Variants in STEAP4 observed in about 807,000 individuals in gnomAD.
STEAP4 encodes STEAP4 metalloreductase.
In STEAP4, 36 loss-of-function variants were observed where a neutral mutation model predicts 43.6. That is an observed-to-expected ratio of 0.83 (90% confidence interval 0.63 to 1.09). STEAP4 has a LOEUF of 1.09. STEAP4 is among the 50% of genes least tolerant of loss of function. STEAP4 has a pLI of 0.00. For missense variants in STEAP4, 495 were observed against 546.5 expected, an observed-to-expected ratio of 0.91 and a Z score of 0.94; for synonymous variants, 191 against 196.7, an observed-to-expected ratio of 0.97 and a Z score of 0.24.
rs941896193 is a variant in STEAP4, at chr7:88,280,904, G to C, written c.1149+11C>G. The C allele has an allele frequency of 2.6e-6, 4 of 1,552,974 alleles. No homozygotes were observed. In the African/African-American group the frequency reaches 5.6e-5, roughly 22 times the overall value. The stretch of plus-strand genomic sequence containing the variant: ...AAAATGAAAAGTTAGGAATGAACTT[G>C]AAGTTCTTACCTGGACAAATCGGAA... On this transcript the variant is annotated intron_variant, in intron 4 of 4. Coordinates refer to ENST00000380079, the MANE Select transcript of STEAP4 (RefSeq NM_024636.4).
rs377459458 is a variant in STEAP4, at chr7:88,279,819, A to T, written c.1150-191T>A. ...TGGTAAATACTTCATTTAAAACAAG[A>T]TTATTTCTTACAAATGACATAGTAG... On this transcript the variant is annotated intron_variant, in intron 4 of 4. Transcript: ENST00000380079. Among the ~76,000 whole-genome samples the T allele has an allele frequency of 1.3e-4, 20 of 152,330 alleles. No individual in the cohort carries two copies. In the East Asian group the frequency reaches 1.3e-3, roughly 10 times the overall value.
Position 88,274,151 on chromosome 7 carries a change from G to A in STEAP4, c.*5247C>T, listed in dbSNP as rs1435176730. ...GCCTCTCATTAGTTGTGTGAACTTA[G>A]TCAAAGTACTGAGATTTCAAAGCTC... On this transcript the variant is annotated 3_prime_UTR_variant, in exon 5 of 5. Transcript: ENST00000380079. The A allele has an allele frequency of 6.6e-6, 1 of 152,190 alleles. No homozygotes were observed. Among genetic ancestry groups the A allele is most frequent in the Non-Finnish European group, 1.5e-5 (1 of 68,050 alleles). The allele number at this position is 152,190 out of a possible 1,614,324, so 9.4% of individuals were successfully genotyped here.
rs1181508875 is a variant in STEAP4, at chr7:88,273,173, T to C, written c.*6225A>G. 2.6e-5 allele frequency: 4 copies of C among 152,216 alleles called. No individual in the cohort carries two copies. The highest frequency in any genetic ancestry group is 2.6e-4 in the Admixed American group (4 of 15,282). The allele number at this position is 152,216 out of a possible 1,614,324, so 9.4% of individuals were successfully genotyped here. A position where few individuals can be genotyped will look rare whatever the true frequency, so the allele number is the denominator to read the frequency against. On this transcript the variant is annotated 3_prime_UTR_variant, in exon 5 of 5. Transcript: ENST00000380079. The stretch of plus-strand genomic sequence containing the variant: ...TGAAATTATATGTTATTTTTAACTA[T>C]AGTCATCCTACAGAGCTATGGAACA...
At chr7:88,295,733 C>T (rs1208865886) in intron 1 of STEAP4, among the ~76,000 whole-genome samples, 1 of 152,096 alleles carries the variant, frequency 6.6e-6, no homozygotes, top group Non-Finnish European at 1.5e-5. Context: ...CAAACTAAAA[C>T]AAACTTAAGC....
intron 4 of STEAP4, among the ~76,000 whole-genome samples, chr7:88,279,926 G>C (rs1852589259): frequency 6.6e-6 from 1 of 152,132 alleles, no homozygotes; most frequent in Non-Finnish European, 1.5e-5. Flanking sequence ...GCTTGTCTTG[G>C]TTCCCAAAGG....
intron 3 of STEAP4, chr7:88,281,890 G>A (rs1180957885): frequency 6.6e-6 from 1 of 152,142 alleles, no homozygotes; most frequent in Non-Finnish European, 1.5e-5. Context: ...GAATTTGTTT[G>A]CTTTAGTGTG....
At chr7:88,304,132 C>T (rs987821398) in intron 1 of STEAP4, 5 of 151,900 alleles carry the variant, frequency 3.3e-5, no homozygotes, top group Admixed American at 3.3e-4. Flanking sequence ...GGGAACTGAA[C>T]AATGAGAACA....
rs910324377 is a variant in STEAP4, at chr7:88,289,247, A to G, written c.-2-4976T>C. Among the ~76,000 whole-genome samples the G allele has an allele frequency of 2.6e-5, 4 of 152,196 alleles. 1 individual carries two copies. In the South Asian group the frequency reaches 8.3e-4, roughly 31 times the overall value. On this transcript the variant is annotated intron_variant, in intron 1 of 4. Transcript: ENST00000380079. ...AAAGTTTACTCTGTGTCCCAGGCACAGTGTGAGATAAATAAAAAGGAAGAT... is the reference window on the plus strand; with the variant it reads ...AAAGTTTACTCTGTGTCCCAGGCACGGTGTGAGATAAATAAAAAGGAAGAT...
At chr7:88,297,717 G>A (rs925800017) in intron 1 of STEAP4, among the ~76,000 whole-genome samples, 1 of 152,020 alleles carries the variant, frequency 6.6e-6, no homozygotes, top group African/African-American at 2.4e-5. Context: ...TTCCAGGCAG[G>A]GGGGAAAGTG....
intron 1 of STEAP4, among the ~76,000 whole-genome samples, chr7:88,295,819 A>T (rs1415430123): frequency 6.6e-6 from 1 of 152,148 alleles, no homozygotes; most frequent in Non-Finnish European, 1.5e-5. Flanking sequence ...TTTCCTTTTT[A>T]TTTTGGAGAG....
rs73205916 is a variant in STEAP4 at position 88,282,672 on chromosome 7, C to T, written c.953G>A (p.Arg318Gln). 19 of 1,613,784 alleles carry T rather than the reference C, an allele frequency of 1.2e-5. No individual in the cohort carries two copies. Among genetic ancestry groups the T allele is most frequent in the Admixed American group, 1.7e-5 (1 of 59,962 alleles). Residue 318 changes from arginine (R) to glutamine (Q), a missense_variant, in exon 3 of 5, where the codon CGA becomes CAA. Coordinates refer to ENST00000380079, the MANE Select transcript of STEAP4 (RefSeq NM_024636.4). ...TLVIPIRYYV[R>Q]WRLGNLTVTQ... ...AACGGTTAAGTTTCCCAATCTCCATCGTACATAATATCGAATAGGAATCAC... is the reference window on the plus strand; with the variant it reads ...AACGGTTAAGTTTCCCAATCTCCATTGTACATAATATCGAATAGGAATCAC...
In STEAP4 at chr7:88,280,933, T is replaced by C. The variant is rs374195950; in HGVS notation, c.1131A>G (p.Arg377=). 86 of 1,607,896 alleles carry C rather than the reference T, an allele frequency of 5.3e-5. No homozygotes were observed. Among genetic ancestry groups the C allele is most frequent in the Admixed American group, 2.0e-4 (12 of 58,728 alleles). The change falls in exon 4 of 5, where the codon AGA becomes AGG. Residue 377 remains arginine (R), a synonymous_variant. Coordinates refer to ENST00000380079, the MANE Select transcript of STEAP4 (RefSeq NM_024636.4). ...TTCTTACCTGGACAAATCGGAACTC[T>C]CTCCAGTTGACTGCATTGCTAACAG... The part of the protein sequence containing the change: ...LPSVSNAVNW[R]EFRFVQSKLG...
chr7:88,295,205 G>T lies in STEAP4; in HGVS notation c.-2-10934C>A, dbSNP rs1037702735. On this transcript the variant is annotated intron_variant, in intron 1 of 4. Transcript: ENST00000380079. ...CTATCTACAAAGATTGGTTTGGAAG[G>T]GTTCAGAAAGAGAGAGGACATGGTG... Among the ~76,000 whole-genome samples, 14 of 152,218 alleles carry T rather than the reference G, an allele frequency of 9.2e-5. No individual in the cohort carries two copies. The East Asian group carries it at 2.7e-3, about 29-fold the overall frequency.
At position 88,279,465 on chromosome 7, in the gene STEAP4, AT is replaced by A; in HGVS notation, c.1312del (p.Ile438SerfsTer5). 3 of 1,614,104 alleles carry A rather than the reference AT, an allele frequency of 1.9e-6. No homozygotes were observed. Among genetic ancestry groups the A allele is most frequent in the Non-Finnish European group, 2.5e-6 (3 of 1,180,006 alleles). ...CTVLVIKFVL[I>X]MPCVDNTLTR... Reference sequence around the variant, plus strand: ...AAGGGTGTTGTCTACACATGGCATGATTAGGACAAACTTGATCACCAGCACA... The same window carrying A: ...AAGGGTGTTGTCTACACATGGCATGATAGGACAAACTTGATCACCAGCACA... On this transcript the variant is annotated frameshift_variant, in exon 5 of 5. Coordinates refer to ENST00000380079, the MANE Select transcript of STEAP4 (RefSeq NM_024636.4). LOFTEE classifies it high-confidence loss of function.
chr7:88,303,921 TTGGAAA>T (rs1352263179), intron 1 of STEAP4: 2 of 152,208 alleles, frequency 1.3e-5, no homozygotes, highest in African/African-American at 4.8e-5. Context: ...TCAAATCACT[TTGGAAA>T]TGACCTAAAA....
rs1852514796 is a variant in STEAP4 at position 88,276,486 on chromosome 7, T to A, written c.*2912A>T. 6.6e-6 allele frequency: 1 copy of A among 152,146 alleles called. No homozygotes were observed. The highest frequency in any genetic ancestry group is 1.5e-5 in the Non-Finnish European group (1 of 68,006). 9.4% of individuals were successfully genotyped at this position (152,146 alleles called of 1,614,324 possible). A position where few individuals can be genotyped will look rare whatever the true frequency, so the allele number is the denominator to read the frequency against. Reference sequence around the variant, plus strand: ...TTATAAAAGCCATCATCCCTTAACATGGGGAAAGTGTACAAAAATAATGTG... The same window carrying A: ...TTATAAAAGCCATCATCCCTTAACAAGGGGAAAGTGTACAAAAATAATGTG... On this transcript the variant is annotated 3_prime_UTR_variant, in exon 5 of 5. Coordinates refer to ENST00000380079, the MANE Select transcript of STEAP4 (RefSeq NM_024636.4).
At position 88,280,924 on chromosome 7, in the gene STEAP4, T is replaced by C; in HGVS notation, c.1140A>G (p.Arg380=). 6.2e-7 allele frequency: 1 copy of C among 1,604,436 alleles called. No individual in the cohort carries two copies. Among genetic ancestry groups the C allele is most frequent in the South Asian group, 1.1e-5 (1 of 89,340 alleles). Reference sequence around the variant, plus strand: ...AACTTGAAGTTCTTACCTGGACAAATCGGAACTCTCTCCAGTTGACTGCAT... The same window carrying C: ...AACTTGAAGTTCTTACCTGGACAAACCGGAACTCTCTCCAGTTGACTGCAT... ...VSNAVNWREF[R]FVQSKLGYLT... is the part of the protein sequence containing the mutation. The change falls in exon 4 of 5, where the codon CGA becomes CGG. Residue 380 remains arginine (R), a synonymous_variant. Transcript: ENST00000380079.
chr7:88,286,574 T>C lies in STEAP4; in HGVS notation c.-2-2303A>G, dbSNP rs1852738078. Among the ~76,000 whole-genome samples the C allele has an allele frequency of 2.6e-5, 4 of 152,154 alleles. No homozygotes were observed. In the South Asian group the frequency reaches 6.2e-4, roughly 24 times the overall value. ...CAAAATGATAACTCAGGGCTGGGCATGGAGGCGCACGCCTATAGTCCCAGC... is the reference window on the plus strand; with the variant it reads ...CAAAATGATAACTCAGGGCTGGGCACGGAGGCGCACGCCTATAGTCCCAGC... On this transcript the variant is annotated intron_variant, in intron 1 of 4. Coordinates refer to ENST00000380079, the MANE Select transcript of STEAP4 (RefSeq NM_024636.4).
Position 88,271,871 on chromosome 7 carries a change from G to A in STEAP4, c.*7527C>T, listed in dbSNP as rs1416227577. 2 of 152,192 alleles carry A rather than the reference G, an allele frequency of 1.3e-5. No individual in the cohort carries two copies. The highest frequency in any genetic ancestry group is 2.9e-5 in the Non-Finnish European group (2 of 68,036). The allele number at this position is 152,192 out of a possible 1,614,324, so 9.4% of individuals were successfully genotyped here. ...ATTTGGATTTTTGCCCATCTACTAG[G>A]TGAGAAATGGTATTGATACAGTTAC... On this transcript the variant is annotated 3_prime_UTR_variant, in exon 5 of 5. Coordinates refer to ENST00000380079, the MANE Select transcript of STEAP4 (RefSeq NM_024636.4).
Sources: allele counts gnomAD v4.1 joint callset (sites outside exome capture counted in the v4.1 genomes callset), GRCh38; gene constraint gnomAD v4.1.1; transcripts MANE v1.5; gene names NCBI Gene and HGNC (gene_info 2026-07-23, HGNC 2026-07-21).